CNTNAP2: variants seen among roughly 807,000 people sequenced by gnomAD.
CNTNAP2 encodes contactin-associated protein-like 2.
A neutral mutation model predicts 155.2 loss-of-function variants in CNTNAP2; 98 were observed. That is an observed-to-expected ratio of 0.63 (90% CI 0.54 to 0.75). The LOEUF (loss-of-function observed/expected upper bound fraction) is 0.75. Ranked by LOEUF, CNTNAP2 falls within the 30% of genes least tolerant of loss-of-function variation. CNTNAP2 has a pLI of 0.00. For missense variants in CNTNAP2, 1,727 were observed against 1,688.1 expected (o/e 1.02, Z -0.40); for synonymous variants, 651 against 631.2 (o/e 1.03, Z -0.47).
chr7:146,629,324 T>C (rs534252214), intron 1 of CNTNAP2, among the ~76,000 whole-genome samples: 1 of 152,286 alleles, frequency 6.6e-6, no homozygotes, highest in South Asian at 2.1e-4. Context: ...GTCATAATAT[T>C]TGTCACTACT....
chr7:146,954,925 C>T (rs961875245), intron 3 of CNTNAP2, among the ~76,000 whole-genome samples: 15 of 151,800 alleles, frequency 9.9e-5, no homozygotes, highest in African/African-American at 3.6e-4. Context: ...TGTCTTAAAC[C>T]ATGCAAAGCT....
intron 13 of CNTNAP2, among the ~76,000 whole-genome samples, chr7:147,778,728 G>A (rs1356311407): frequency 6.6e-6 from 1 of 152,180 alleles, no homozygotes; most frequent in African/African-American, 2.4e-5. Flanking sequence ...GGCCAGGCTG[G>A]TCTTGAACTC....
chr7:147,478,707 A>G (rs1319345684), intron 10 of CNTNAP2, among the ~76,000 whole-genome samples: 3 of 152,188 alleles, frequency 2.0e-5, no homozygotes, highest in Admixed American at 1.3e-4. Context: ...TCATCCAGAC[A>G]TTGCACATGG....
chr7:146,184,806 A>C (rs2116841953), intron 1 of CNTNAP2, among the ~76,000 whole-genome samples: 1 of 152,322 alleles, frequency 6.6e-6, no homozygotes, highest in Non-Finnish European at 1.5e-5. Context: ...AAAGCAGGAA[A>C]GTGATTGAGC....
chr7:147,023,392 G>A (rs1798848605), intron 3 of CNTNAP2, among the ~76,000 whole-genome samples: 1 of 152,168 alleles, frequency 6.6e-6, no homozygotes, highest in African/African-American at 2.4e-5. Context: ...AATGATTACA[G>A]TTTCACCTTT....
At chr7:146,519,383 T>C (rs1797585452) in intron 1 of CNTNAP2, among the ~76,000 whole-genome samples, 1 of 151,646 alleles carries the variant, frequency 6.6e-6, no homozygotes, top group African/African-American at 2.4e-5. Context: ...CTTCAAGAGT[T>C]TTTCAACTCT....
chr7:146,973,773 T>C (rs562667358), intron 3 of CNTNAP2, among the ~76,000 whole-genome samples: 19 of 152,326 alleles, frequency 1.2e-4, no homozygotes, highest in African/African-American at 4.6e-4. Context: ...CCCTCTCATA[T>C]TCTTCCCAAT....
At chr7:146,224,428 G>GT (rs1211556363) in intron 1 of CNTNAP2, among the ~76,000 whole-genome samples, 2 of 72,066 alleles carry the variant, frequency 2.8e-5, no homozygotes, top group African/African-American at 4.4e-5. Flanking sequence ...GAACACAGTG[G>GT]TTTAAAAAAA....
intron 13 of CNTNAP2, among the ~76,000 whole-genome samples, chr7:147,841,790 A>T (rs1798736694): frequency 6.6e-6 from 1 of 152,188 alleles, no homozygotes; most frequent in African/African-American, 2.4e-5. Flanking sequence ...TATAAATGGA[A>T]TTTTTATGTG....
chr7:147,691,966 G>A (rs1362269158), intron 13 of CNTNAP2, among the ~76,000 whole-genome samples: 1 of 152,048 alleles, frequency 6.6e-6, no homozygotes, highest in Non-Finnish European at 1.5e-5. Context: ...TACTACTGTA[G>A]TATCACACAG....
chr7:146,938,204 A>G (rs1796965497), intron 3 of CNTNAP2, among the ~76,000 whole-genome samples: 1 of 152,114 alleles, frequency 6.6e-6, no homozygotes, highest in Non-Finnish European at 1.5e-5. Flanking sequence ...TAATCTAAGA[A>G]GCTGAACTTG....
intron 10 of CNTNAP2, among the ~76,000 whole-genome samples, chr7:147,450,284 GC>G (rs1797809129): frequency 1.3e-5 from 2 of 152,184 alleles, no homozygotes; most frequent in Non-Finnish European, 2.9e-5. Context: ...AATATGAGGA[GC>G]CTCTAGGAGA....
At chr7:146,741,543 A>C (rs898631975) in intron 1 of CNTNAP2, among the ~76,000 whole-genome samples, 2 of 152,196 alleles carry the variant, frequency 1.3e-5, no homozygotes, top group Non-Finnish European at 2.9e-5. Context: ...AGCAAACAGG[A>C]GTTAGAAAGA....
intron 13 of CNTNAP2, among the ~76,000 whole-genome samples, chr7:147,743,705 T>TC (rs1225196506): frequency 2.0e-5 from 3 of 151,644 alleles, no homozygotes; most frequent in Admixed American, 2.0e-4. Flanking sequence ...GACTTTTTTT[T>TC]TCCATCTGAG....
intron 22 of CNTNAP2, among the ~76,000 whole-genome samples, chr7:148,388,190 T>A (rs938016234): frequency 2.0e-5 from 3 of 152,074 alleles, no homozygotes; most frequent in African/African-American, 7.2e-5. Context: ...CATGTGCACA[T>A]TGTGCAGGTT....
At chr7:147,750,901 A>G (rs879931121) in intron 13 of CNTNAP2, among the ~76,000 whole-genome samples, 23 of 152,146 alleles carry the variant, frequency 1.5e-4, no homozygotes, top group Middle Eastern at 3.4e-3. Context: ...TTGGCTGGGC[A>G]TGGTGGTGGG....
At chr7:147,906,735 T>C (rs1585021782) in intron 14 of CNTNAP2, among the ~76,000 whole-genome samples, 1 of 151,990 alleles carries the variant, frequency 6.6e-6, no homozygotes, top group African/African-American at 2.4e-5. Flanking sequence ...GCTGGGATTA[T>C]AGGCGTGAGC....
chr7:146,659,403 A>T (rs1276066688), intron 1 of CNTNAP2, among the ~76,000 whole-genome samples: 1 of 152,202 alleles, frequency 6.6e-6, no homozygotes, highest in Non-Finnish European at 1.5e-5. Flanking sequence ...TTAGGAGATG[A>T]AATTTAGGTA....
chr7:146,378,513 C>G (rs1386989995), intron 1 of CNTNAP2, among the ~76,000 whole-genome samples: 1 of 152,006 alleles, frequency 6.6e-6, no homozygotes, highest in Admixed American at 6.6e-5. Context: ...TTATAAGAAT[C>G]CTATGAAGTA....
Sources: gnomAD v4.1 joint callset for allele counts (sites outside exome capture counted in the v4.1 genomes callset) on GRCh38, gnomAD v4.1.1 for gene constraint, MANE v1.5 for transcripts, NCBI Gene and HGNC (gene_info 2026-07-23, HGNC 2026-07-21) for gene names.